The following SYT16 variants were observed in gnomAD, a reference collection of about 807,000 sequenced individuals.
SYT16 encodes synaptotagmin-16.
A neutral mutation model predicts 61.4 loss-of-function variants in SYT16; 42 were observed. That is an observed-to-expected ratio of 0.68 (90% CI 0.53 to 0.89). SYT16 has a LOEUF of 0.89. SYT16 is among the 40% of genes least tolerant of loss of function. The probability of loss-of-function intolerance (pLI) is 0.00; values close to 1 mark genes in which losing one functional copy is unlikely to be tolerated. For synonymous variants in SYT16, 314 were observed against 302.3 expected (o/e 1.04, Z -0.40); for missense variants, 804 against 807.3 (o/e 1.00, Z 0.05).
intron 7 of SYT16, among the ~76,000 whole-genome samples, chr14:62,088,036 C>T (rs73264250): frequency 0.02 from 3,076 of 152,206 alleles, 116 homozygotes; most frequent in African/African-American, 0.071. Context: ...ATGGAACAAC[C>T]ACTTTGGGAA....
intron 3 of SYT16, among the ~76,000 whole-genome samples, chr14:62,049,016 A>G (rs1469552654): frequency 1.3e-5 from 2 of 152,096 alleles, no homozygotes; most frequent in East Asian, 1.9e-4. Context: ...GCTGAGTTCA[A>G]TTCCTGGATA....
chr14:61,838,838 T>C (rs1331133016), intron 1 of SYT16, among the ~76,000 whole-genome samples: 3 of 152,140 alleles, frequency 2.0e-5, no homozygotes, highest in African/African-American at 7.2e-5. Context: ...CAAATTAATA[T>C]CTCGATGAAT....
chr14:62,051,066 G>T (rs1175886062), intron 3 of SYT16, among the ~76,000 whole-genome samples: 1 of 152,246 alleles, frequency 6.6e-6, no homozygotes, highest in African/African-American at 2.4e-5. Flanking sequence ...CTTGCCCCCA[G>T]AGGTGGAGCC....
intron 1 of SYT16, among the ~76,000 whole-genome samples, chr14:61,966,272 G>A (rs2051311716): frequency 6.6e-6 from 1 of 151,672 alleles, no homozygotes; most frequent in Non-Finnish European, 1.5e-5. Context: ...ATCTGTGAAT[G>A]TTTTTACATT....
At chr14:62,018,457 G>A (rs1198680200) in intron 3 of SYT16, among the ~76,000 whole-genome samples, 2 of 151,638 alleles carry the variant, frequency 1.3e-5, no homozygotes, top group African/African-American at 4.8e-5. Flanking sequence ...ATAGGCACCT[G>A]CCACCACGCC....
chr14:61,898,498 T>G (rs217680), intron 1 of SYT16, among the ~76,000 whole-genome samples: 5 of 152,074 alleles, frequency 3.3e-5, no homozygotes, highest in African/African-American at 1.2e-4. Flanking sequence ...GTTTAGGGAG[T>G]TGTCAGATCT....
chr14:61,834,390 A>G (rs1321056782), intron 1 of SYT16, among the ~76,000 whole-genome samples: 1 of 148,768 alleles, frequency 6.7e-6, no homozygotes, highest in Non-Finnish European at 1.5e-5. Context: ...TTGGCCTCTC[A>G]AAGTGCTGGG....
intron 1 of SYT16, among the ~76,000 whole-genome samples, chr14:61,912,754 A>G (rs1318072324): frequency 2.0e-5 from 3 of 152,162 alleles, no homozygotes; most frequent in Non-Finnish European, 4.4e-5. Context: ...TCTCTCCATC[A>G]AACATATCAT....
At chr14:61,862,677 C>G (rs1157534479) in intron 1 of SYT16, among the ~76,000 whole-genome samples, 2 of 152,182 alleles carry the variant, frequency 1.3e-5, no homozygotes, top group Non-Finnish European at 2.9e-5. Flanking sequence ...GTTGTACATT[C>G]TCTGAGTTTG....
intron 3 of SYT16, among the ~76,000 whole-genome samples, chr14:62,051,107 G>A (rs1265967111): frequency 6.6e-6 from 1 of 152,220 alleles, no homozygotes; most frequent in African/African-American, 2.4e-5. Flanking sequence ...CTTGAGCTGT[G>A]GTGGGCTCCA....
chr14:62,076,187 T>C (rs1334236698), intron 5 of SYT16, among the ~76,000 whole-genome samples: 1 of 152,164 alleles, frequency 6.6e-6, no homozygotes, highest in African/African-American at 2.4e-5. Flanking sequence ...GCCCTTACGG[T>C]TATTTTTCCA....
intron 1 of SYT16, among the ~76,000 whole-genome samples, chr14:61,959,385 T>G (rs2140496516): frequency 6.6e-6 from 1 of 152,250 alleles, no homozygotes; most frequent in South Asian, 2.1e-4. Context: ...TTTATAGTGG[T>G]ATGCTTTGAT....
At chr14:62,096,516 GATA>G (rs2057279742) in intron 7 of SYT16, among the ~76,000 whole-genome samples, 1 of 151,850 alleles carries the variant, frequency 6.6e-6, no homozygotes, top group African/African-American at 2.4e-5. Flanking sequence ...ACACACAGAA[GATA>G]AAATAAATGA....
chr14:61,945,290 G>A (rs550179627), intron 1 of SYT16, among the ~76,000 whole-genome samples: 2 of 152,288 alleles, frequency 1.3e-5, no homozygotes, highest in South Asian at 4.1e-4. Flanking sequence ...GTTGGTGGGA[G>A]TGTAAATTAG....
At chr14:61,895,933 T>C (rs912376) in intron 1 of SYT16, among the ~76,000 whole-genome samples, 139,585 of 152,276 alleles carry the variant, frequency 0.92, 64,076 homozygotes, top group East Asian at 0.98. Context: ...TAGGGTTTTA[T>C]CTCCAGCCTG....
At chr14:61,958,768 T>C (rs1213677356) in intron 1 of SYT16, among the ~76,000 whole-genome samples, 1 of 152,060 alleles carries the variant, frequency 6.6e-6, no homozygotes, top group East Asian at 1.9e-4. Context: ...GTTAGGTCCA[T>C]TTGGCCTGTA....
At chr14:61,995,092 A>G (rs1343097134) in intron 2 of SYT16, among the ~76,000 whole-genome samples, 4 of 152,186 alleles carry the variant, frequency 2.6e-5, no homozygotes, top group African/African-American at 9.6e-5. Context: ...TATACATTGT[A>G]TGCACATATA....
chr14:62,041,365 C>G (rs1450418478), intron 3 of SYT16, among the ~76,000 whole-genome samples: 1 of 152,188 alleles, frequency 6.6e-6, no homozygotes, highest in Non-Finnish European at 1.5e-5. Context: ...TCTTTGTGTT[C>G]TGTTCCTGGC....
chr14:62,008,866 A>G (rs755646978), intron 3 of SYT16, among the ~76,000 whole-genome samples: 1 of 152,036 alleles, frequency 6.6e-6, no homozygotes, highest in Non-Finnish European at 1.5e-5. Flanking sequence ...CCATCCTTCA[A>G]TTGATGAACA....
Sources: allele counts gnomAD v4.1 joint callset (sites outside exome capture counted in the v4.1 genomes callset), GRCh38; gene constraint gnomAD v4.1.1; transcripts MANE v1.5; gene names NCBI Gene and HGNC (gene_info 2026-07-23, HGNC 2026-07-21).